The following GRHL2 variants were observed in gnomAD, a reference collection of about 807,000 sequenced individuals.
GRHL2 encodes grainyhead like transcription factor 2.
Under a neutral mutation model 83.8 loss-of-function variants are expected in GRHL2, and 21 were observed. The observed-to-expected ratio is 0.25, with a 90% CI of 0.18 to 0.36. The LOEUF is 0.36. Among genes scored for constraint, GRHL2 ranks in the 10% least tolerant of loss-of-function variants. GRHL2 has a pLI of 1.00. For missense variants in GRHL2, 623 were observed against 781.8 expected (o/e 0.80, Z 2.42); for synonymous variants, 280 against 278.9 (o/e 1.00, Z -0.04).
intron 12 of GRHL2, among the ~76,000 whole-genome samples, chr8:101,639,977 C>G (rs550511395): frequency 1.3e-5 from 2 of 152,320 alleles, no homozygotes; most frequent in South Asian, 4.1e-4. Flanking sequence ...CACAAGAGCC[C>G]CTCTCCTGGT....
the GRHL2 span, among the ~76,000 whole-genome samples, chr8:101,676,569 T>C: frequency 5.3e-5 from 8 of 152,252 alleles, no homozygotes; most frequent in East Asian, 1.5e-3. Flanking sequence ...CAACAGGTGC[T>C]GGAGAGGATG....
chr8:101,632,295 C>T lies in GRHL2; in HGVS notation c.1415C>T (p.Pro472Leu). Residue 472 changes from proline (P) to leucine (L), a missense_variant, in exon 11 of 16, where the codon CCT becomes CTT. Coordinates refer to ENST00000646743, the MANE Select transcript of GRHL2 (RefSeq NM_024915.4). ...KSDITYFKTM[P>L]DLHSQPVLFI... is the part of the protein sequence containing the mutation. ...GACATCACCTACTTCAAAACCATGC[C>T]TGATCTCCACTCACAGCCAGTTCTC... 2 of 1,614,038 alleles carry T rather than the reference C, an allele frequency of 1.2e-6. No individual in the cohort carries two copies. The highest frequency in any genetic ancestry group is 1.3e-5 in the African/African-American group (1 of 75,018).
In GRHL2 at chr8:101,584,391, G is replaced by A. The variant is rs116522236; in HGVS notation, c.1003+6872G>A. Among the ~76,000 whole-genome samples, 1,020 of 152,110 alleles carry A rather than the reference G, an allele frequency of 6.7e-3. 14 individuals are homozygous for A. Among genetic ancestry groups the A allele is most frequent in the African/African-American group, 0.024 (984 of 41,494 alleles). On this transcript the variant is annotated intron_variant, in intron 7 of 15. Coordinates refer to ENST00000646743, the MANE Select transcript of GRHL2 (RefSeq NM_024915.4). The stretch of plus-strand genomic sequence containing the variant: ...CTTAAGTTTTCAAAATGAAATCAAA[G>A]CATTTCTTCACGTTTGATTCTCCAT...
the GRHL2 span, among the ~76,000 whole-genome samples, chr8:101,675,712 T>G: frequency 6.4e-3 from 979 of 152,202 alleles, 12 homozygotes; most frequent in African/African-American, 0.021. Flanking sequence ...AAAACTACTT[T>G]AAAGTTCATA....
At chr8:101,566,510 C>T (rs1811720139) in intron 4 of GRHL2, among the ~76,000 whole-genome samples, 1 of 150,374 alleles carries the variant, frequency 6.7e-6, no homozygotes, top group South Asian at 2.1e-4. Context: ...ACTCTCCAGC[C>T]CGGTCCTCTC....
chr8:101,500,481 T>A (rs1225651934), intron 1 of GRHL2, among the ~76,000 whole-genome samples: 9 of 152,208 alleles, frequency 5.9e-5, no homozygotes, highest in Admixed American at 4.6e-4. Flanking sequence ...AATGGTAAAC[T>A]GTATTATAAT....
At chr8:101,566,505 C>G (rs993405497) in intron 4 of GRHL2, among the ~76,000 whole-genome samples, 1 of 150,702 alleles carries the variant, frequency 6.6e-6, no homozygotes, top group Non-Finnish European at 1.5e-5. Context: ...ATTTTACTCT[C>G]CAGCCCGGTC....
chr8:101,554,803 G>T (rs962312534), intron 3 of GRHL2, among the ~76,000 whole-genome samples: 3 of 151,930 alleles, frequency 2.0e-5, no homozygotes, highest in Non-Finnish European at 4.4e-5. Context: ...TATAATATTT[G>T]GTTCAATTTT....
At chr8:101,651,646 C>T (rs1813623528) in intron 14 of GRHL2, among the ~76,000 whole-genome samples, 1 of 152,150 alleles carries the variant, frequency 6.6e-6, no homozygotes, top group Admixed American at 6.5e-5. Flanking sequence ...GCCTACCCTC[C>T]CCGCCTCAGC....
intron 3 of GRHL2, among the ~76,000 whole-genome samples, chr8:101,553,045 G>C (rs1165282660): frequency 6.6e-6 from 1 of 152,212 alleles, no homozygotes; most frequent in Non-Finnish European, 1.5e-5. Context: ...TCAGAGGTGA[G>C]ATGCTGGTAA....
chr8:101,593,682 A>G (rs1353691958), intron 7 of GRHL2, among the ~76,000 whole-genome samples: 3 of 152,130 alleles, frequency 2.0e-5, no homozygotes, highest in Non-Finnish European at 4.4e-5. Flanking sequence ...ATTTCAGAAA[A>G]AGATCTTTGC....
At chr8:101,637,001 TG>T (rs1243004819) in intron 12 of GRHL2, 73 bp downstream of exon 12, 2 of 1,344,912 alleles carry the variant, frequency 1.5e-6, no homozygotes. Flanking sequence ...TTCCAGCACT[TG>T]GTAACCCTAG....
intron 1 of GRHL2, among the ~76,000 whole-genome samples, chr8:101,533,300 T>C (rs895894277): frequency 1.3e-5 from 2 of 152,234 alleles, no homozygotes; most frequent in Non-Finnish European, 2.9e-5. Context: ...TTTACAAATA[T>C]GCTGTGAATT....
chr8:101,540,622 T>C (rs1216727932), intron 1 of GRHL2, among the ~76,000 whole-genome samples: 1 of 152,076 alleles, frequency 6.6e-6, no homozygotes, highest in African/African-American at 2.4e-5. Flanking sequence ...GTCAGTGTCT[T>C]TTTTTCTGAC....
intron 14 of GRHL2, among the ~76,000 whole-genome samples, chr8:101,651,723 G>A (rs1293027588): frequency 6.6e-6 from 1 of 152,170 alleles, no homozygotes; most frequent in Non-Finnish European, 1.5e-5. Context: ...TTAGCTGAAG[G>A]TACAGTGTGA....
chr8:101,492,694 C>A lies in GRHL2; in HGVS notation c.-76C>A. ...CTCGGGCGCTCTCACACACCTTCAC[C>A]TGCACAGACTTGAAAGTCCAGTTTC... On this transcript the variant is annotated 5_prime_UTR_variant, in exon 1 of 16. It adds an upstream start codon to the 5' untranslated region. Transcript: ENST00000646743. 1 of 1,341,378 alleles carries A rather than the reference C, an allele frequency of 7.5e-7. No individual in the cohort carries two copies. The highest frequency in any genetic ancestry group is 1.1e-6 in the Non-Finnish European group (1 of 930,642). The allele number at this position is 1,341,378 out of a possible 1,614,324, so 83.1% of individuals were successfully genotyped here.
rs922228978 is a variant in GRHL2 at position 101,535,549 on chromosome 8, C to CT, written c.21-7684dup. Among the ~76,000 whole-genome samples, 252 of 151,726 alleles carry CT rather than the reference C, an allele frequency of 1.7e-3. 1 individual carries two copies. Among genetic ancestry groups the CT allele is most frequent in the Middle Eastern group, 3.4e-3 (1 of 294 alleles). ...TTCCTTTTTCTCTTTCTTCTTTTTTCTTTTTTTTGAGACAGAGTTCACTCT... is the reference window on the plus strand; with the variant it reads ...TTCCTTTTTCTCTTTCTTCTTTTTTCTTTTTTTTTGAGACAGAGTTCACTCT... On this transcript the variant is annotated intron_variant, in intron 1 of 15. Coordinates refer to ENST00000646743, the MANE Select transcript of GRHL2 (RefSeq NM_024915.4).
chr8:101,671,762 A>G (rs1254054425), downstream of GRHL2, among the ~76,000 whole-genome samples: 1 of 152,254 alleles, frequency 6.6e-6, no homozygotes, highest in Non-Finnish European at 1.5e-5. Context: ...TTGACCCCCA[A>G]GCAGCCTAAC....
At chr8:101,515,022 T>TTTCC (rs758781328) in intron 1 of GRHL2, among the ~76,000 whole-genome samples, 59 of 148,222 alleles carry the variant, frequency 4.0e-4, no homozygotes, top group Admixed American at 6.7e-4. Context: ...CCCCCTTCAT[T>TTTCC]TTCCTTCCTT....
Sources: allele counts gnomAD v4.1 joint callset (sites outside exome capture counted in the v4.1 genomes callset), GRCh38; gene constraint gnomAD v4.1.1; transcripts MANE v1.5; gene names NCBI Gene and HGNC (gene_info 2026-07-23, HGNC 2026-07-21).